ATAD2B: variants seen among roughly 807,000 people sequenced by gnomAD.
ATAD2B encodes ATPase family AAA domain containing 2B.
ATAD2B carries 40 observed loss-of-function variants against 167.6 expected under a neutral mutation model. The ratio of observed to expected loss-of-function variants is 0.24; its 90% CI spans 0.19 to 0.31. The LOEUF (loss-of-function observed/expected upper bound fraction) is 0.31. Among genes scored for constraint, ATAD2B ranks in the 10% least tolerant of loss-of-function variants. The pLI, the probability that ATAD2B is intolerant of heterozygous loss-of-function variation, is 1.00. For missense variants in ATAD2B, 1,242 were observed against 1,757.2 expected (o/e 0.71, Z 5.24); for synonymous variants, 579 against 596.5 (o/e 0.97, Z 0.43).
chr2:23,687,587 C>G, the ATAD2B span, among the ~76,000 whole-genome samples: 1 of 152,180 alleles, frequency 6.6e-6, no homozygotes, highest in African/African-American at 2.4e-5. Context: ...ACGCTGCAGA[C>G]AGGCAAGGAG....
chr2:23,926,582 G>T lies in ATAD2B; in HGVS notation c.189C>A (p.Gly63=). Residue 63 remains glycine, a synonymous_variant, in exon 1 of 28, where the codon GGC becomes GGA. Transcript: ENST00000238789. ...TGGCCTCATCCAGAGTGACGCCGGC[G>T]CCACCGCTTCCCCCGGCTTTGGCGG... The part of the protein sequence containing the change: ...CPAAKAGGSG[G]AGVTLDEARK... The T allele has an allele frequency of 6.4e-7, 1 of 1,555,684 alleles. No homozygotes were observed.
intron 16 of ATAD2B, 113 bp downstream of exon 16, chr2:23,823,145 G>A: frequency 1.0e-6 from 1 of 956,136 alleles, no homozygotes; most frequent in Non-Finnish European, 1.5e-6. Context: ...ATATAGTACT[G>A]AATAAACAGA....
chr2:23,803,031 C>T (rs765112955), intron 18 of ATAD2B, among the ~76,000 whole-genome samples: 6 of 152,022 alleles, frequency 3.9e-5, no homozygotes, highest in Non-Finnish European at 8.8e-5. Context: ...TAAAATATAG[C>T]ACGCTTATCA....
chr2:23,874,256 T>C (rs1696461748), intron 8 of ATAD2B, among the ~76,000 whole-genome samples: 1 of 150,030 alleles, frequency 6.7e-6, no homozygotes, highest in East Asian at 1.9e-4. Context: ...TCAAACCATA[T>C]ACAAAAATTA....
intron 1 of ATAD2B, among the ~76,000 whole-genome samples, chr2:23,924,266 C>T (rs1426254405): frequency 6.6e-6 from 1 of 152,132 alleles, no homozygotes; most frequent in Non-Finnish European, 1.5e-5. Context: ...ATGTTACAAA[C>T]AGGAATACAT....
At chr2:23,822,093 C>A (rs1687534007) in intron 16 of ATAD2B, among the ~76,000 whole-genome samples, 1 of 152,240 alleles carries the variant, frequency 6.6e-6, no homozygotes, top group Non-Finnish European at 1.5e-5. Context: ...CCTATGAGCA[C>A]TGCACACTGC....
chr2:23,766,080 T>C (rs2551332), intron 22 of ATAD2B, among the ~76,000 whole-genome samples: 24,693 of 152,142 alleles, frequency 0.16, 2,100 homozygotes, highest in Middle Eastern at 0.26. Context: ...ACAATATATT[T>C]TAAAGGTGAC....
chr2:23,860,573 T>A (rs576622059), intron 12 of ATAD2B, among the ~76,000 whole-genome samples: 30 of 152,340 alleles, frequency 2.0e-4, no homozygotes, highest in Non-Finnish European at 4.3e-4. Flanking sequence ...TAAAGGAAAC[T>A]CTCAGTTCAC....
chr2:23,755,048 G>A, intron 25 of ATAD2B: 1 of 229,144 alleles, frequency 4.4e-6, no homozygotes, highest in Non-Finnish European at 8.6e-6. Context: ...GAAGATAAAA[G>A]CAATCTTCAC....
At chr2:23,771,467 G>T (rs374923763) in intron 22 of ATAD2B, among the ~76,000 whole-genome samples, 1 of 152,160 alleles carries the variant, frequency 6.6e-6, no homozygotes, top group Non-Finnish European at 1.5e-5. Context: ...ACTGAAAAGC[G>T]GGGATAGGGG....
chr2:23,912,818 C>T (rs1041302676), intron 1 of ATAD2B, among the ~76,000 whole-genome samples: 1 of 151,934 alleles, frequency 6.6e-6, no homozygotes, highest in African/African-American at 2.4e-5. Flanking sequence ...CAGTGAAACC[C>T]CCATCCCTAC....
chr2:23,714,406 AT>A, the ATAD2B span, among the ~76,000 whole-genome samples: 365 of 139,284 alleles, frequency 2.6e-3, 3 homozygotes, highest in African/African-American at 8.2e-3. Flanking sequence ...CGCCCGGCAA[AT>A]TTTTTTTTTT....
At chr2:23,817,694 A>C (rs1206192794) in intron 17 of ATAD2B, among the ~76,000 whole-genome samples, 1 of 152,260 alleles carries the variant, frequency 6.6e-6, no homozygotes. Flanking sequence ...GGGTAGGTGA[A>C]TAAAGAAATA....
At chr2:23,714,748 G>A in the ATAD2B span, among the ~76,000 whole-genome samples, 1,626 of 151,692 alleles carry the variant, frequency 0.011, 15 homozygotes, top group Middle Eastern at 0.031. Flanking sequence ...CCAGCTACTC[G>A]GGAAGCTGAG....
the ATAD2B span, among the ~76,000 whole-genome samples, chr2:23,692,304 T>TA: frequency 3.3e-5 from 5 of 152,236 alleles, no homozygotes; most frequent in Admixed American, 1.3e-4. Flanking sequence ...TGTCCAGGTC[T>TA]AGACATCTGA....
chr2:23,865,245 T>C (rs1033760910), intron 10 of ATAD2B, among the ~76,000 whole-genome samples: 1 of 152,034 alleles, frequency 6.6e-6, no homozygotes, highest in African/African-American at 2.4e-5. Flanking sequence ...CAAGTTTTAA[T>C]GGGCCTGGCA....
At chr2:23,724,407 AT>A in the ATAD2B span, among the ~76,000 whole-genome samples, 1 of 152,174 alleles carries the variant, frequency 6.6e-6, no homozygotes. Context: ...CAATTAAAAA[AT>A]AATAATAAAA....
chr2:23,783,826 A>G (rs1013827990), intron 21 of ATAD2B, among the ~76,000 whole-genome samples: 3 of 152,278 alleles, frequency 2.0e-5, no homozygotes, highest in South Asian at 4.1e-4. Context: ...TCTTAGCAGT[A>G]ATGTCTAAAA....
chr2:23,876,456 C>G (rs1160280649), intron 7 of ATAD2B, among the ~76,000 whole-genome samples: 2 of 152,050 alleles, frequency 1.3e-5, no homozygotes, highest in African/African-American at 4.8e-5. Context: ...CGCCAGCCAC[C>G]ACGCCCAGCT....
Sources: gnomAD v4.1 joint callset for allele counts (sites outside exome capture counted in the v4.1 genomes callset) on GRCh38, gnomAD v4.1.1 for gene constraint, MANE v1.5 for transcripts, NCBI Gene and HGNC (gene_info 2026-07-23, HGNC 2026-07-21) for gene names.